Variants in FAT3 observed in about 807,000 individuals in gnomAD.
FAT3 encodes the protein FAT atypical cadherin 3.
FAT3 carries 95 observed loss-of-function variants against 310.2 expected under a neutral mutation model. The observed-to-expected ratio is 0.31, with a 90% CI of 0.26 to 0.36. The LOEUF (loss-of-function observed/expected upper bound fraction) is 0.36, where lower values mean the gene tolerates loss of function less well. FAT3 is among the 10% of genes least tolerant of loss of function. FAT3 has a pLI of 1.00. For synonymous variants in FAT3, 2,314 were observed against 2,192.9 expected (o/e 1.06, Z -1.54); for missense variants, 5,408 against 5,715.6 (o/e 0.95, Z 1.74).
chr11:92,562,387 T>C (rs901977826), intron 3 of FAT3, among the ~76,000 whole-genome samples: 1 of 152,152 alleles, frequency 6.6e-6, no homozygotes, highest in African/African-American at 2.4e-5. Flanking sequence ...GATAAATACG[T>C]ACGGATTTTA....
chr11:92,839,566 A>T (rs1948486805), intron 17 of FAT3, among the ~76,000 whole-genome samples: 2 of 152,172 alleles, frequency 1.3e-5, no homozygotes, highest in South Asian at 2.1e-4. Flanking sequence ...TTATTTCCAC[A>T]CATGGTTTTC....
At chr11:92,833,189 A>G (rs1948312377) in intron 14 of FAT3, among the ~76,000 whole-genome samples, 1 of 152,210 alleles carries the variant, frequency 6.6e-6, no homozygotes, top group Non-Finnish European at 1.5e-5. Flanking sequence ...ATGGATTTCT[A>G]TCCCAAAGCC....
At chr11:92,788,239 C>T (rs1249264900) in intron 7 of FAT3, among the ~76,000 whole-genome samples, 1 of 152,068 alleles carries the variant, frequency 6.6e-6, no homozygotes, top group African/African-American at 2.4e-5. Flanking sequence ...CTGGAAGAGG[C>T]TCCTACAGGC....
At chr11:92,338,502 G>A (rs192841824) in intron 1 of FAT3, among the ~76,000 whole-genome samples, 17 of 152,174 alleles carry the variant, frequency 1.1e-4, no homozygotes, top group African/African-American at 3.6e-4. Context: ...CCGCTGCCTC[G>A]TAAACCATGC....
chr11:92,259,373 A>T (rs1171479201), intron 1 of FAT3, among the ~76,000 whole-genome samples: 1 of 152,082 alleles, frequency 6.6e-6, no homozygotes, highest in Non-Finnish European at 1.5e-5. Flanking sequence ...ATTTGTGAAG[A>T]GGCAGAAGAT....
chr11:92,842,420 A>G (rs765786228), intron 18 of FAT3, among the ~76,000 whole-genome samples: 1 of 152,210 alleles, frequency 6.6e-6, no homozygotes, highest in Non-Finnish European at 1.5e-5. Context: ...CCTCTGGCCT[A>G]TAAAGTCTAA....
chr11:92,790,314 A>G, intron 8 of FAT3, 96 bp downstream of exon 8: 1 of 1,296,542 alleles, frequency 7.7e-7, no homozygotes, highest in Non-Finnish European at 1.1e-6. Context: ...TAAATTTTAT[A>G]AGTAGTTGTA....
intron 4 of FAT3, among the ~76,000 whole-genome samples, chr11:92,756,142 C>T (rs1049389272): frequency 2.0e-5 from 3 of 152,160 alleles, no homozygotes; most frequent in Non-Finnish European, 2.9e-5. Context: ...GTAGTTGCCC[C>T]TTTTCCATAG....
At chr11:92,374,032 A>AGG (rs985121117) in intron 2 of FAT3, among the ~76,000 whole-genome samples, 1 of 147,578 alleles carries the variant, frequency 6.8e-6, no homozygotes, top group African/African-American at 2.5e-5. Flanking sequence ...AGAGAGAGGG[A>AGG]GAGAGAGAGA....
At chr11:92,607,331 A>T (rs1361182157) in intron 3 of FAT3, among the ~76,000 whole-genome samples, 3 of 152,116 alleles carry the variant, frequency 2.0e-5, no homozygotes, top group African/African-American at 7.2e-5. Context: ...GTGGGGGGAA[A>T]TGACTTGCCC....
At chr11:92,331,201 T>G (rs79120742) in intron 1 of FAT3, among the ~76,000 whole-genome samples, 4,043 of 152,250 alleles carry the variant, frequency 0.027, 196 homozygotes, top group African/African-American at 0.092. Flanking sequence ...TTTAACATGA[T>G]TTAGCGCTGC....
At position 92,240,577 on chromosome 11, in the gene FAT3, A is replaced by C. The variant is rs536135605; in HGVS notation, c.-18+15403A>C. Among the ~76,000 whole-genome samples, 558 of 96,376 alleles carry C rather than the reference A, an allele frequency of 5.8e-3. 5 individuals carry two copies. The highest frequency in any genetic ancestry group is 0.021 in the South Asian group (77 of 3,610). The allele number at this position is 96,376 out of a possible 152,430, so 63.2% of individuals were successfully genotyped here. ...ACTTGAAACAAAATGAAACCCCCCC[A>C]AAAAAAAAAAACCCAAAAAACCAAA... On this transcript the variant is annotated intron_variant, in intron 1 of 27. Transcript: ENST00000525166.
chr11:92,406,067 C>T (rs1008609893), intron 2 of FAT3, among the ~76,000 whole-genome samples: 1 of 152,144 alleles, frequency 6.6e-6, no homozygotes, highest in African/African-American at 2.4e-5. Context: ...AATCTTCATT[C>T]CTTGGTTCAT....
intron 1 of FAT3, among the ~76,000 whole-genome samples, chr11:92,296,052 G>A (rs985290649): frequency 1.6e-4 from 25 of 152,172 alleles, no homozygotes; most frequent in African/African-American, 5.8e-4. Context: ...CACCTTACAG[G>A]TTTCCCCTGG....
chr11:92,342,959 C>A (rs2134590676), intron 1 of FAT3, among the ~76,000 whole-genome samples: 1 of 152,214 alleles, frequency 6.6e-6, no homozygotes, highest in South Asian at 2.1e-4. Flanking sequence ...GAACAACATG[C>A]TAATCTTTCC....
intron 3 of FAT3, among the ~76,000 whole-genome samples, chr11:92,578,429 A>G (rs1318696633): frequency 6.6e-6 from 1 of 152,080 alleles, no homozygotes; most frequent in African/African-American, 2.4e-5. Context: ...TATCCTGATC[A>G]TTTTACCAAA....
At chr11:92,589,949 C>G (rs892387885) in intron 3 of FAT3, among the ~76,000 whole-genome samples, 13 of 152,118 alleles carry the variant, frequency 8.5e-5, no homozygotes. Flanking sequence ...AGATGCTCAT[C>G]TTTAGCCAAA....
intron 3 of FAT3, among the ~76,000 whole-genome samples, chr11:92,649,400 G>C (rs2135752725): frequency 6.6e-6 from 1 of 152,216 alleles, no homozygotes; most frequent in African/African-American, 2.4e-5. Context: ...TTGTAATTCT[G>C]GCCTGAGTGA....
Position 92,809,944 on chromosome 11 carries a change from A to C in FAT3, c.9349A>C (p.Ile3117Leu), listed in dbSNP as rs765773006. 6.2e-7 allele frequency: 1 copy of C among 1,614,000 alleles called. No individual in the cohort carries two copies. The highest frequency in any genetic ancestry group is 1.3e-5 in the African/African-American group (1 of 75,052). ...DGGGRFCQSN[I>L]HLILEDVNDN... ...GGGTGGCAGGTTCTGCCAGTCCAACATCCACCTAATCCTGGAGGATGTGAA... is the reference window on the plus strand; with the variant it reads ...GGGTGGCAGGTTCTGCCAGTCCAACCTCCACCTAATCCTGGAGGATGTGAA... The change falls in exon 13 of 28, where the codon ATC (isoleucine) becomes CTC (leucine). Residue 3117 changes from isoleucine (I) to leucine (L), a missense_variant. By Grantham distance (5) the Ile-to-Leu change is conservative. This residue lies in a region of FAT3 where 4,588 missense variants were observed against 4,809.8 expected (regional missense o/e 0.95). Transcript: ENST00000525166.
Sources: allele counts gnomAD v4.1 joint callset (sites outside exome capture counted in the v4.1 genomes callset), GRCh38; gene constraint gnomAD v4.1.1; regional missense constraint gnomAD v4.1.1; transcripts MANE v1.5; gene names NCBI Gene and HGNC (gene_info 2026-07-23, HGNC 2026-07-21).